Variants in SRGAP1 observed in about 807,000 individuals in gnomAD.
The protein encoded by SRGAP1 is SLIT-ROBO Rho GTPase activating protein 1, also known as SLIT-ROBO Rho GTPase-activating protein 1.
Under a neutral mutation model 121.9 loss-of-function variants are expected in SRGAP1, and 43 were observed. The ratio of observed to expected loss-of-function variants is 0.35; its 90% CI spans 0.28 to 0.46. The LOEUF is 0.46. SRGAP1 is among the 20% of genes least tolerant of loss of function. SRGAP1 has a pLI of 1.00. For missense variants in SRGAP1, 1,102 were observed against 1,350.9 expected, an observed-to-expected ratio of 0.82 and a Z score of 2.89; for synonymous variants, 447 against 485.4, an observed-to-expected ratio of 0.92 and a Z score of 1.04.
rs1362252813 is a variant in SRGAP1 at position 63,970,917 on chromosome 12, T to C, written c.68-13030T>C. Among the ~76,000 whole-genome samples the C allele has an allele frequency of 2.6e-5, 4 of 152,226 alleles. No homozygotes were observed. The East Asian group carries it at 7.7e-4, about 29-fold the overall frequency. ...AAGTTGAAGCATTTCCTGTAATAAATGAACAAAGAGCTGAATCAAGATAGC... is the reference window on the plus strand; with the variant it reads ...AAGTTGAAGCATTTCCTGTAATAAACGAACAAAGAGCTGAATCAAGATAGC... On this transcript the variant is annotated intron_variant, in intron 1 of 21. Coordinates refer to ENST00000355086, the MANE Select transcript of SRGAP1 (RefSeq NM_020762.4).
chr12:63,850,312 G>C (rs1467829718), intron 1 of SRGAP1, among the ~76,000 whole-genome samples: 1 of 152,146 alleles, frequency 6.6e-6, no homozygotes, highest in Non-Finnish European at 1.5e-5. Flanking sequence ...ATACAGGGTA[G>C]TAAATCTCAG....
At chr12:63,856,212 A>G (rs968707508) in intron 1 of SRGAP1, among the ~76,000 whole-genome samples, 1 of 152,070 alleles carries the variant, frequency 6.6e-6, no homozygotes, top group African/African-American at 2.4e-5. Flanking sequence ...AGATCGCACC[A>G]TTGCACTCCA....
Position 64,043,668 on chromosome 12 carries a change from CTG to C in SRGAP1, c.801+95_801+96del, listed in dbSNP as rs2035066894. On this transcript the variant is annotated intron_variant, in intron 6 of 21. Transcript: ENST00000355086. ...TGGAAAATACTGTCATTTCTTAAGA[CTG>C]TTATTTTACGTAATACTCAAAAAGA... is the stretch of plus-strand genomic sequence containing the variant. 7 of 1,000,852 alleles carry C rather than the reference CTG, an allele frequency of 7.0e-6. No individual in the cohort carries two copies. The South Asian group carries it at 1.3e-4, about 19-fold the overall frequency. The allele number at this position is 1,000,852 out of a possible 1,614,324, so 62.0% of individuals were successfully genotyped here. A position where few individuals can be genotyped will look rare whatever the true frequency, so the allele number is the denominator to read the frequency against.
At chr12:64,035,657 A>C (rs2034889167) in intron 4 of SRGAP1, among the ~76,000 whole-genome samples, 1 of 152,110 alleles carries the variant, frequency 6.6e-6, no homozygotes, top group Admixed American at 6.5e-5. Context: ...GTGTTTTATA[A>C]ATGTGTGTCT....
chr12:63,973,152 G>A (rs1400069291), intron 1 of SRGAP1, among the ~76,000 whole-genome samples: 1 of 151,946 alleles, frequency 6.6e-6, no homozygotes, highest in African/African-American at 2.4e-5. Context: ...CGTCTCAAAA[G>A]AGAAAAAAAG....
At chr12:63,868,066 T>G (rs1383905190) in intron 1 of SRGAP1, among the ~76,000 whole-genome samples, 16 of 98,534 alleles carry the variant, frequency 1.6e-4, no homozygotes, top group East Asian at 8.4e-4. Flanking sequence ...ATTTTTTTTT[T>G]TTTTTTTTTT....
At chr12:64,130,259 T>C (rs2036764239) in intron 21 of SRGAP1, among the ~76,000 whole-genome samples, 1 of 152,176 alleles carries the variant, frequency 6.6e-6, no homozygotes, top group African/African-American at 2.4e-5. Context: ...TCTTAGTCTG[T>C]TGCCTTAAAG....
rs534947458 is a variant in SRGAP1, at chr12:63,983,996, G to A, written c.117G>A (p.Thr39=). ...AACAAAAATGCCTGGAGCAGCAAAC[G>A]GAGATGCGAGTTCAGCTTCTCCAGG... ...VEQQKCLEQQ[T]EMRVQLLQDL... The change falls in exon 2 of 22, where the codon ACG becomes ACA. Residue 39 remains threonine, a synonymous_variant. Transcript: ENST00000355086. 28 of 1,566,628 alleles carry A rather than the reference G, an allele frequency of 1.8e-5. No homozygotes were observed. The highest frequency in any genetic ancestry group is 2.2e-5 in the Non-Finnish European group (25 of 1,149,818).
At chr12:64,021,576 C>T (rs1202342424) in intron 4 of SRGAP1, among the ~76,000 whole-genome samples, 1 of 152,200 alleles carries the variant, frequency 6.6e-6, no homozygotes, top group African/African-American at 2.4e-5. Flanking sequence ...AAGTCTAGGA[C>T]TGGCTGCAGA....
intron 3 of SRGAP1, among the ~76,000 whole-genome samples, chr12:64,001,647 T>C (rs1228970492): frequency 2.6e-5 from 4 of 152,206 alleles, no homozygotes; most frequent in Non-Finnish European, 5.9e-5. Context: ...ACATCTTAGA[T>C]CATCCAATTG....
intron 15 of SRGAP1, among the ~76,000 whole-genome samples, chr12:64,098,299 T>C (rs1331239618): frequency 1.3e-5 from 2 of 151,774 alleles, no homozygotes; most frequent in African/African-American, 4.8e-5. Flanking sequence ...TACTTCTAGA[T>C]TTTGCCTTCT....
intron 1 of SRGAP1, chr12:63,871,895 A>G: frequency 2.0e-6 from 3 of 1,473,266 alleles, no homozygotes; most frequent in South Asian, 2.3e-5. Flanking sequence ...TCTTCCAGAA[A>G]ATTGGCTTTG....
chr12:64,111,919 A>G lies in SRGAP1; in HGVS notation c.2077A>G (p.Ile693Val), dbSNP rs1461840588. 1.2e-5 allele frequency: 19 copies of G among 1,614,066 alleles called. No homozygotes were observed. Among genetic ancestry groups the G allele is most frequent in the Non-Finnish European group, 1.5e-5 (18 of 1,179,996 alleles). Residue 693 changes from isoleucine (I) to valine (V), a missense_variant, in exon 17 of 22, where the codon ATT becomes GTT. Transcript: ENST00000355086. Reference protein sequence around the residue: ...IKTIIIHHETIFPDAKELDGP... With the variant: ...IKTIIIHHETVFPDAKELDGP... ...AACCATCATCATCCACCATGAGACTATTTTCCCAGATGCTAAAGAGCTGGA... is the reference window on the plus strand; with the variant it reads ...AACCATCATCATCCACCATGAGACTGTTTTCCCAGATGCTAAAGAGCTGGA...
intron 6 of SRGAP1, among the ~76,000 whole-genome samples, chr12:64,048,601 T>G (rs1327643914): frequency 6.6e-6 from 1 of 152,194 alleles, no homozygotes; most frequent in Non-Finnish European, 1.5e-5. Flanking sequence ...GTGGCTGTAC[T>G]AATTTACATT....
At chr12:64,060,205 CTT>C (rs58447783) in intron 6 of SRGAP1, among the ~76,000 whole-genome samples, 7 of 121,416 alleles carry the variant, frequency 5.8e-5, no homozygotes, top group African/African-American at 1.5e-4. Context: ...TTCTTTTTTT[CTT>C]TTTTTTTTTT....
intron 1 of SRGAP1, among the ~76,000 whole-genome samples, chr12:63,948,847 A>G (rs61228923): frequency 0.044 from 5,327 of 121,508 alleles, 74 homozygotes; most frequent in Non-Finnish European, 0.067. Flanking sequence ...CCATATATAT[A>G]TTTTCCATAT....
intron 3 of SRGAP1, among the ~76,000 whole-genome samples, chr12:64,002,697 T>G (rs2033939347): frequency 6.6e-6 from 1 of 152,180 alleles, no homozygotes; most frequent in African/African-American, 2.4e-5. Context: ...TTGTGGTGCA[T>G]CTGCAGGACA....
At chr12:64,133,474 A>G (rs2036815959) in intron 21 of SRGAP1, among the ~76,000 whole-genome samples, 1 of 152,190 alleles carries the variant, frequency 6.6e-6, no homozygotes, top group Middle Eastern at 3.2e-3. Flanking sequence ...GGAGCACCAC[A>G]ACGACATTTT....
intron 4 of SRGAP1, 64 bp downstream of exon 4, chr12:64,017,076 C>A: frequency 1.0e-6 from 1 of 954,892 alleles, no homozygotes; most frequent in Non-Finnish European, 1.6e-6. Context: ...TGTAAAAACA[C>A]TGCTCATTGT....
Sources: gnomAD v4.1 joint callset for allele counts (sites outside exome capture counted in the v4.1 genomes callset) on GRCh38, gnomAD v4.1.1 for gene constraint, MANE v1.5 for transcripts, NCBI Gene and HGNC (gene_info 2026-07-23, HGNC 2026-07-21) for gene names.